DCDC1: variants seen among roughly 807,000 people sequenced by gnomAD.
DCDC1 encodes doublecortin domain containing 1, also known as doublecortin domain-containing protein 1.
A neutral mutation model predicts 178.3 loss-of-function variants in DCDC1; 200 were observed. That is an observed-to-expected ratio of 1.12 (90% CI 1.00 to 1.26). The LOEUF is 1.26. DCDC1 is among the 50% of genes most tolerant of loss of function. DCDC1 has a pLI of 0.00. For missense variants in DCDC1, 1,983 were observed against 1,749.2 expected, an observed-to-expected ratio of 1.13 and a Z score of -2.38; for synonymous variants, 690 against 604.8, an observed-to-expected ratio of 1.14 and a Z score of -2.07.
intron 34 of DCDC1, 28 bp from the exon 35 acceptor site, chr11:30,894,412 G>A (rs1441621947): frequency 2.5e-6 from 4 of 1,604,834 alleles, no homozygotes; most frequent in Non-Finnish European, 2.5e-6. Flanking sequence ...TAGAAATTTT[G>A]TTTCTGATGA....
rs551457838 is a variant in DCDC1, at chr11:31,071,429, A to AT, written c.2299-6277dup. ...AATTTCTGAGTCATAAGGAATATGC[A>AT]TTTTTTAAGGATTTTGATAAATGTT... On this transcript the variant is annotated intron_variant, in intron 18 of 38. Transcript: ENST00000684477. Among the ~76,000 whole-genome samples the AT allele has an allele frequency of 1.4e-4, 22 of 152,234 alleles. No homozygotes were observed. In the East Asian group the frequency reaches 4.1e-3, roughly 28 times the overall value.
At chr11:31,232,731 A>G (rs1975941431) in intron 9 of DCDC1, among the ~76,000 whole-genome samples, 2 of 152,130 alleles carry the variant, frequency 1.3e-5, no homozygotes, top group Admixed American at 6.5e-5. Context: ...TAATTACTTT[A>G]TAATATTAAT....
At chr11:31,106,558 G>A (rs1958862115) in intron 13 of DCDC1, among the ~76,000 whole-genome samples, 1 of 152,150 alleles carries the variant, frequency 6.6e-6, no homozygotes, top group Non-Finnish European at 1.5e-5. Flanking sequence ...GTGCTGACAG[G>A]CAGACTTCAA....
chr11:31,211,820 C>T (rs192529837), intron 9 of DCDC1, among the ~76,000 whole-genome samples: 1 of 152,238 alleles, frequency 6.6e-6, no homozygotes, highest in Non-Finnish European at 1.5e-5. Context: ...CAGTGGCTCA[C>T]ACCTGTAATC....
intron 6 of DCDC1, among the ~76,000 whole-genome samples, chr11:31,293,373 C>A (rs1354004920): frequency 6.6e-6 from 1 of 152,110 alleles, no homozygotes; most frequent in East Asian, 1.9e-4. Flanking sequence ...AGAAACCACT[C>A]CCACTAAGGC....
intron 36 of DCDC1, among the ~76,000 whole-genome samples, chr11:30,883,999 G>C (rs763038608): frequency 1.4e-5 from 2 of 142,328 alleles, no homozygotes; most frequent in Non-Finnish European, 3.1e-5. Context: ...AAAAGGAGGT[G>C]GGCAAGAAAA....
At chr11:31,211,444 T>A (rs1972522785) in intron 9 of DCDC1, among the ~76,000 whole-genome samples, 1 of 152,206 alleles carries the variant, frequency 6.6e-6, no homozygotes, top group Non-Finnish European at 1.5e-5. Context: ...TTATTTGCAC[T>A]ATCGCCCCAT....
At chr11:31,230,187 G>A (rs1345088428) in intron 9 of DCDC1, among the ~76,000 whole-genome samples, 4 of 151,644 alleles carry the variant, frequency 2.6e-5, no homozygotes, top group Non-Finnish European at 5.9e-5. Flanking sequence ...CACAAAAATC[G>A]GTTGCATTTC....
intron 9 of DCDC1, among the ~76,000 whole-genome samples, chr11:31,177,397 T>C (rs1030161190): frequency 6.6e-6 from 1 of 151,440 alleles, no homozygotes; most frequent in Non-Finnish European, 1.5e-5. Context: ...TAAATAATTT[T>C]AAGACTGAGA....
At position 31,164,122 on chromosome 11, in the gene DCDC1, C is replaced by G. The variant is rs1043717243; in HGVS notation, c.1222-26338G>C. ...AATCTTTATGAGAAAGGGCAAAGGA[C>G]AAATCATCAAATCCTATAAATATGA... On this transcript the variant is annotated intron_variant, in intron 9 of 38. Coordinates refer to ENST00000684477, the MANE Select transcript of DCDC1 (RefSeq NM_001387274.1). Among the ~76,000 whole-genome samples, 8 of 152,144 alleles carry G rather than the reference C, an allele frequency of 5.3e-5. No individual in the cohort carries two copies. In the East Asian group the frequency reaches 1.4e-3, roughly 26 times the overall value.
intron 6 of DCDC1, among the ~76,000 whole-genome samples, chr11:31,300,343 A>G (rs1948019390): frequency 6.6e-6 from 1 of 152,180 alleles, no homozygotes; most frequent in African/African-American, 2.4e-5. Flanking sequence ...AGTGGACACA[A>G]GGTTCTGACT....
chr11:31,142,913 G>T (rs193093405), intron 9 of DCDC1, among the ~76,000 whole-genome samples: 1 of 152,186 alleles, frequency 6.6e-6, no homozygotes, highest in Admixed American at 6.5e-5. Context: ...CTGTGGGCAA[G>T]GAGGGTATTG....
intron 9 of DCDC1, among the ~76,000 whole-genome samples, chr11:31,207,399 C>T (rs907811116): frequency 6.6e-6 from 1 of 152,130 alleles, no homozygotes; most frequent in African/African-American, 2.4e-5. Flanking sequence ...TTGATGAATT[C>T]TTTCTTCCCA....
intron 35 of DCDC1, among the ~76,000 whole-genome samples, chr11:30,893,412 G>A (rs555454303): frequency 3.2e-4 from 49 of 152,268 alleles, no homozygotes; most frequent in African/African-American, 1.2e-3. Flanking sequence ...GTATACATGA[G>A]TGTTGTTTCA....
rs79542856 is a variant in DCDC1 at position 31,091,058 on chromosome 11, A to G, written c.2237+335T>C. ...TTCAGAAGATGGAAAAAGGTTATGA[A>G]TATACACAAAAATTTAAGTTTGTTA... On this transcript the variant is annotated intron_variant, in intron 17 of 38. Coordinates refer to ENST00000684477, the MANE Select transcript of DCDC1 (RefSeq NM_001387274.1). 2.1e-3 allele frequency among the ~76,000 whole-genome samples: 323 copies of G among 152,328 alleles called. 1 individual carries two copies. The highest frequency in any genetic ancestry group is 6.8e-3 in the African/African-American group (283 of 41,572).
intron 11 of DCDC1, among the ~76,000 whole-genome samples, chr11:31,125,194 G>A (rs1363601316): frequency 1.3e-5 from 2 of 151,948 alleles, no homozygotes; most frequent in South Asian, 2.1e-4. Flanking sequence ...ATCACTGATC[G>A]TTAGAGAAAT....
chr11:30,947,350 A>C (rs1948114064), intron 21 of DCDC1, among the ~76,000 whole-genome samples: 1 of 152,206 alleles, frequency 6.6e-6, no homozygotes, highest in African/African-American at 2.4e-5. Context: ...ATAGCATGGT[A>C]CTGGCATAAA....
At chr11:31,203,353 C>T (rs992579190) in intron 9 of DCDC1, among the ~76,000 whole-genome samples, 6 of 152,170 alleles carry the variant, frequency 3.9e-5, no homozygotes, top group Non-Finnish European at 5.9e-5. Flanking sequence ...TATCCAGTCA[C>T]CCCCTAGAAC....
At chr11:30,951,646 A>T (rs1188933459) in intron 21 of DCDC1, among the ~76,000 whole-genome samples, 1 of 152,174 alleles carries the variant, frequency 6.6e-6, no homozygotes, top group African/African-American at 2.4e-5. Flanking sequence ...GGATTATTTG[A>T]CAGAAGAAAG....
Sources: allele counts gnomAD v4.1 joint callset (sites outside exome capture counted in the v4.1 genomes callset), GRCh38; gene constraint gnomAD v4.1.1; transcripts MANE v1.5; gene names NCBI Gene and HGNC (gene_info 2026-07-23, HGNC 2026-07-21).